The following ZNF585A variants were observed in gnomAD, a reference collection of about 807,000 sequenced individuals.
ZNF585A encodes zinc finger protein 585A.
A neutral mutation model predicts 14.9 loss-of-function variants in ZNF585A; 9 were observed. The ratio of observed to expected loss-of-function variants is 0.60; its 90% confidence interval spans 0.36 to 1.05. The LOEUF (loss-of-function observed/expected upper bound fraction) is 1.05. Ranked by LOEUF, ZNF585A falls within the 50% of genes least tolerant of loss-of-function variation. The pLI, the probability that ZNF585A is intolerant of heterozygous loss-of-function variation, is 0.01. For missense variants in ZNF585A, 726 were observed against 926.4 expected, an observed-to-expected ratio of 0.78 and a Z score of 2.81; for synonymous variants, 276 against 319.9, an observed-to-expected ratio of 0.86 and a Z score of 1.46.
At chr19:37,161,841 GGA>G (rs1281247229) in intron 2 of ZNF585A, among the ~76,000 whole-genome samples, 1 of 152,166 alleles carries the variant, frequency 6.6e-6, no homozygotes, top group Non-Finnish European at 1.5e-5. Context: ...TCTGAATTCA[GGA>G]GAGTGCACGA....
chr19:37,168,203 C>T (rs1972127052), intron 2 of ZNF585A, among the ~76,000 whole-genome samples: 1 of 152,128 alleles, frequency 6.6e-6, no homozygotes, highest in South Asian at 2.1e-4. Context: ...TCCTTTTGAC[C>T]TGTTCCTAAA....
At chr19:37,160,262 G>A (rs1447899616) in intron 2 of ZNF585A, among the ~76,000 whole-genome samples, 1 of 151,536 alleles carries the variant, frequency 6.6e-6, no homozygotes, top group East Asian at 1.9e-4. Flanking sequence ...AATCACTTGA[G>A]CCTGGGAAGG....
At position 37,152,590 on chromosome 19, in the gene ZNF585A, G is replaced by A. The variant is rs1971853520; in HGVS notation, c.1309C>T (p.Pro437Ser). The change falls in exon 5 of 5, where the codon CCT becomes TCT. Residue 437 changes from proline to serine, a missense_variant. Around this residue, in one of 2 missense-constraint regions of ZNF585A, gnomAD observed 483 missense variants for 542.8 expected, o/e 0.89. Coordinates refer to ENST00000292841, the MANE Select transcript of ZNF585A (RefSeq NM_001288800.2). Reference protein sequence around the residue: ...AHQIIHTGEKPHKCGHCGKLF... With the variant: ...AHQIIHTGEKSHKCGHCGKLF... ...TTCCCACAGTGACCACATTTATGAG[G>A]TTTCTCTCCAGTATGAATTATTTGA... 4 of 1,614,144 alleles carry A rather than the reference G, an allele frequency of 2.5e-6. No individual in the cohort carries two copies. The highest frequency in any genetic ancestry group is 1.6e-4 in the Middle Eastern group (1 of 6,062).
At chr19:37,167,590 T>TTTATTTTATTTTATTTATTTTA (rs1195903814) in intron 2 of ZNF585A, among the ~76,000 whole-genome samples, 1 of 78,816 alleles carries the variant, frequency 1.3e-5, no homozygotes, top group African/African-American at 9.9e-5. Flanking sequence ...TACTTTTTAT[T>TTTATTTTATTTTATTTATTTTA]TTTATTTTAT....
intron 2 of ZNF585A, among the ~76,000 whole-genome samples, chr19:37,159,196 C>G (rs1349988800): frequency 7.2e-6 from 1 of 138,190 alleles, no homozygotes; most frequent in Non-Finnish European, 1.5e-5. Flanking sequence ...TTACAGTGAG[C>G]TGAGGTCGTG....
intron 2 of ZNF585A, among the ~76,000 whole-genome samples, chr19:37,158,997 C>T (rs1188763895): frequency 6.6e-6 from 1 of 152,066 alleles, no homozygotes; most frequent in African/African-American, 2.4e-5. Context: ...CCTGTAATCC[C>T]AGCACTTTGG....
At chr19:37,160,130 C>T (rs768460747) in intron 2 of ZNF585A, among the ~76,000 whole-genome samples, 4 of 151,854 alleles carry the variant, frequency 2.6e-5, no homozygotes, top group African/African-American at 9.7e-5. Flanking sequence ...CCCAGGAGTT[C>T]GAGATCAGCC....
chr19:37,156,362 G>A lies in ZNF585A; in HGVS notation c.73-7C>T. 6.2e-7 allele frequency: 1 copy of A among 1,614,106 alleles called. No individual in the cohort carries two copies. Among genetic ancestry groups the A allele is most frequent in the African/African-American group, 1.3e-5 (1 of 75,020 alleles). Reference sequence around the variant, plus strand: ...CCCTGAAGGACACTGATCCCTGTAAGGGCAAATTCTTGTTCAATGTGCACA... The same window carrying A: ...CCCTGAAGGACACTGATCCCTGTAAAGGCAAATTCTTGTTCAATGTGCACA... On this transcript the variant is annotated splice_polypyrimidine_tract_variant and splice_region_variant and intron_variant, in intron 2 of 4. Transcript: ENST00000292841.
At chr19:37,155,774 T>C in intron 4 of ZNF585A, 91 bp downstream of exon 4, 1 of 1,416,852 alleles carries the variant, frequency 7.1e-7, no homozygotes, top group Non-Finnish European at 9.9e-7. Flanking sequence ...AAAAAGCATC[T>C]TAATAGTATT....
chr19:37,169,736 C>T, intron 2 of ZNF585A, 103 bp downstream of exon 2: 3 of 1,405,328 alleles, frequency 2.1e-6, no homozygotes, highest in Admixed American at 1.9e-5. Context: ...CCAGCTGCTT[C>T]CTGTGGCCCA....
chr19:37,151,640 T>C lies in ZNF585A; in HGVS notation c.2259A>G (p.Lys753=), dbSNP rs766750824. The C allele has an allele frequency of 1.2e-6, 2 of 1,614,130 alleles. No individual in the cohort carries two copies. Among genetic ancestry groups the C allele is most frequent in the East Asian group, 2.2e-5 (1 of 44,882 alleles). Residue 753 remains lysine, a synonymous_variant, in exon 5 of 5, where the codon AAA becomes AAG. Coordinates refer to ENST00000292841, the MANE Select transcript of ZNF585A (RefSeq NM_001288800.2). ...TGAACACTGATTTCTGAACGAAGCC[T>C]TTCCCACAGATGCCACACTTGTAGG... ...DKPYKCGICG[K]GFVQKSVFSV... is the part of the protein sequence containing the mutation.
intron 2 of ZNF585A, among the ~76,000 whole-genome samples, chr19:37,168,075 T>C (rs985951709): frequency 7.2e-5 from 11 of 152,262 alleles, no homozygotes; most frequent in Admixed American, 2.0e-4. Context: ...CTTAATATAG[T>C]TCAAAAATAC....
At chr19:37,170,276 G>C (rs189118968) in intron 1 of ZNF585A, among the ~76,000 whole-genome samples, 5 of 152,154 alleles carry the variant, frequency 3.3e-5, no homozygotes, top group Non-Finnish European at 7.4e-5. Flanking sequence ...AACCCAAAAA[G>C]TTTCGTTTCT....
chr19:37,163,017 T>C (rs1327290849), intron 2 of ZNF585A, among the ~76,000 whole-genome samples: 1 of 151,954 alleles, frequency 6.6e-6, no homozygotes, highest in African/African-American at 2.4e-5. Flanking sequence ...TGAAGACGCA[T>C]GCTCTAGTTT....
Position 37,151,258 on chromosome 19 carries a change from T to G in ZNF585A, c.*331A>C. ...TATACCTAATCCACAGTAAACAGGA[T>G]TATCGTTAACTTAATACGATCTTTC... On this transcript the variant is annotated 3_prime_UTR_variant, in exon 5 of 5. Coordinates refer to ENST00000292841, the MANE Select transcript of ZNF585A (RefSeq NM_001288800.2). 1 of 438,864 alleles carries G rather than the reference T, an allele frequency of 2.3e-6. No homozygotes were observed. The highest frequency in any genetic ancestry group is 4.0e-6 in the Non-Finnish European group (1 of 249,338). The allele number at this position is 438,864 out of a possible 1,614,324, so 27.2% of individuals were successfully genotyped here.
At chr19:37,157,394 T>A (rs1375932164) in intron 2 of ZNF585A, among the ~76,000 whole-genome samples, 1 of 152,184 alleles carries the variant, frequency 6.6e-6, no homozygotes, top group Non-Finnish European at 1.5e-5. Flanking sequence ...TAATTATGTG[T>A]CCAATCTTCT....
At position 37,146,699 on chromosome 19, in the gene ZNF585A, T is replaced by A. The variant is rs1971747899; in HGVS notation, c.*4890A>T. 6.6e-6 allele frequency: 1 copy of A among 152,472 alleles called. No homozygotes were observed. The highest frequency in any genetic ancestry group is 1.5e-5 in the Non-Finnish European group (1 of 68,274). 9.4% of individuals were successfully genotyped at this position (152,472 alleles called of 1,614,324 possible). A position where few individuals can be genotyped will look rare whatever the true frequency, so the allele number is the denominator to read the frequency against. On this transcript the variant is annotated 3_prime_UTR_variant, in exon 5 of 5. Coordinates refer to ENST00000292841, the MANE Select transcript of ZNF585A (RefSeq NM_001288800.2). ...GCAGGATAGAAAGTGCTAGGCTAGA[T>A]GCTGATGGGAGTGGCCCCCTGCCTA... is the stretch of plus-strand genomic sequence containing the variant.
chr19:37,172,051 G>C (rs1200812940), intron 1 of ZNF585A, among the ~76,000 whole-genome samples: 2 of 152,140 alleles, frequency 1.3e-5, no homozygotes, highest in Non-Finnish European at 2.9e-5. Flanking sequence ...TGAGGAGACA[G>C]ATATATTTTT....
intron 2 of ZNF585A, among the ~76,000 whole-genome samples, chr19:37,157,629 G>A (rs925057682): frequency 6.6e-6 from 1 of 151,950 alleles, no homozygotes; most frequent in African/African-American, 2.4e-5. Context: ...GGGGTGAGGG[G>A]GACAATGCCC....
Sources: gnomAD v4.1 joint callset for allele counts (sites outside exome capture counted in the v4.1 genomes callset) on GRCh38, gnomAD v4.1.1 for gene constraint, gnomAD v4.1.1 regional missense constraint, MANE v1.5 for transcripts, NCBI Gene and HGNC (gene_info 2026-07-23, HGNC 2026-07-21) for gene names.